ANO9: variants seen among roughly 807,000 people sequenced by gnomAD.
ANO9 encodes the protein anoctamin 9.
ANO9 carries 80 observed loss-of-function variants against 100.5 expected under a neutral mutation model. The ratio of observed to expected loss-of-function variants is 0.80; its 90% CI spans 0.66 to 0.96. ANO9 has a LOEUF of 0.96. Ranked by LOEUF, ANO9 falls within the 40% of genes least tolerant of loss-of-function variation. The pLI, the probability that ANO9 is intolerant of heterozygous loss-of-function variation, is 0.00. For synonymous variants in ANO9, 473 were observed against 435.6 expected (o/e 1.09, Z -1.07); for missense variants, 1,064 against 1,072.7 (o/e 0.99, Z 0.11).
chr11:419,834 G>A, intron 19 of ANO9, 105 bp from the exon 20 acceptor site: 2 of 1,531,540 alleles, frequency 1.3e-6, no homozygotes, highest in Non-Finnish European at 1.7e-6. Context: ...CTCTGTGCGT[G>A]GTGTCCCCTT....
At chr11:419,302 C>A (rs905871799) in intron 20 of ANO9, 1 of 1,408,782 alleles carries the variant, frequency 7.1e-7, no homozygotes, top group Admixed American at 2.9e-5. Context: ...CGGAACCTCA[C>A]ATCGGGAGGG....
chr11:436,692 G>A (rs1849581781), intron 1 of ANO9, among the ~76,000 whole-genome samples: 1 of 117,558 alleles, frequency 8.5e-6, no homozygotes, highest in African/African-American at 3.2e-5. Flanking sequence ...AGCAGGAGGT[G>A]AGCAGGGGGT....
At chr11:437,849 C>T (rs879284103) in intron 1 of ANO9, among the ~76,000 whole-genome samples, 2 of 152,214 alleles carry the variant, frequency 1.3e-5, no homozygotes, top group Non-Finnish European at 2.9e-5. Flanking sequence ...CCCTCCTCTG[C>T]CCAGAACCCC....
chr11:420,644 G>C (rs1248752246), intron 18 of ANO9, 29 bp from the exon 19 acceptor site: 1 of 1,601,968 alleles, frequency 6.2e-7, no homozygotes, highest in Non-Finnish European at 8.5e-7. Flanking sequence ...GCTCACCGGC[G>C]CCCCGCACTC....
chr11:434,208 A>C, intron 1 of ANO9, 110 bp from the exon 2 acceptor site: 1 of 1,262,350 alleles, frequency 7.9e-7, no homozygotes, highest in Non-Finnish European at 1.1e-6. Context: ...GTCCCTCCCC[A>C]CAAGGAGAAC....
At chr11:420,340 G>A (rs1232202683) in intron 19 of ANO9, 123 bp downstream of exon 19, 8 of 1,490,450 alleles carry the variant, frequency 5.4e-6, no homozygotes, top group Non-Finnish European at 6.2e-6. Flanking sequence ...AGAAGGGCTG[G>A]GGGCTGTCTG....
intron 1 of ANO9, among the ~76,000 whole-genome samples, chr11:437,861 G>A (rs924528846): frequency 6.6e-6 from 1 of 152,218 alleles, no homozygotes; most frequent in Admixed American, 6.5e-5. Context: ...CAGAACCCCA[G>A]CTCCTCTGGC....
At chr11:434,549 T>A (rs920893371) in intron 1 of ANO9, among the ~76,000 whole-genome samples, 4 of 152,204 alleles carry the variant, frequency 2.6e-5, no homozygotes, top group African/African-American at 9.7e-5. Flanking sequence ...GGACTGTTTT[T>A]AAAATTGAAC....
chr11:419,092 G>A (rs1848015470), intron 20 of ANO9, 103 bp from the exon 21 acceptor site: 1 of 1,566,216 alleles, frequency 6.4e-7, no homozygotes, highest in South Asian at 1.2e-5. Flanking sequence ...ACAGTGAGGT[G>A]GGGGCCACGC....
rs749173836 is a variant in ANO9, at chr11:431,971, C to T, written c.406+28G>A. The stretch of plus-strand genomic sequence containing the variant: ...CTGGGAGAACCCTGCCCGCAGCGCC[C>T]CTGTCAGTGCCCCACCCCTGCCCTT... On this transcript the variant is annotated intron_variant, in intron 5 of 22. Transcript: ENST00000332826. 9.3e-6 allele frequency: 15 copies of T among 1,612,652 alleles called. No individual in the cohort carries two copies. In the East Asian group the frequency reaches 3.3e-4, roughly 36 times the overall value.
At position 420,556 on chromosome 11, in the gene ANO9, C is replaced by T. The variant is rs1466646438; in HGVS notation, c.1693G>A (p.Ala565Thr). 1 of 1,605,566 alleles carries T rather than the reference C, an allele frequency of 6.2e-7. No homozygotes were observed. Among genetic ancestry groups the T allele is most frequent in the Admixed American group, 1.7e-5 (1 of 59,940 alleles). The change falls in exon 19 of 23, where the codon GCG (alanine) becomes ACG (threonine). Residue 565 changes from alanine to threonine, a missense_variant. Ala to Thr is a moderately conservative substitution (Grantham distance 58). Transcript: ENST00000332826. ...VAAFPLAPLL[A>T]LFSNLVEIRL... The stretch of plus-strand genomic sequence containing the variant: ...ATCTCCACGAGGTTGCTGAAGAGCG[C>T]GAGCAGCGGCGCCAGCGGGAAGGCG...
Position 420,778 on chromosome 11 carries a change from G to A in ANO9, c.1573C>T (p.Arg525Cys), listed in dbSNP as rs550551772. Residue 525 changes from arginine to cysteine, a missense_variant, in exon 18 of 23, where the codon CGC (arginine) becomes TGC (cysteine). Physicochemically the swap from Arg to Cys is radical, Grantham distance 180. Coordinates refer to ENST00000332826, the MANE Select transcript of ANO9 (RefSeq NM_001012302.3). ...TTGACCGGGTTCAGAAGGTAGTTGC[G>A]CCGCCAGTCCCTGAGCTCGGGGTCC... Reference protein sequence around the residue: ...PRDPELRDWRRNYLLNPVNTF... With the variant: ...PRDPELRDWRCNYLLNPVNTF... 9 of 1,601,338 alleles carry A rather than the reference G, an allele frequency of 5.6e-6. No homozygotes were observed. In the South Asian group the frequency reaches 6.7e-5, roughly 12 times the overall value.
chr11:426,618 C>A (rs1211271333), intron 15 of ANO9, among the ~76,000 whole-genome samples: 1 of 152,116 alleles, frequency 6.6e-6, no homozygotes, highest in Non-Finnish European at 1.5e-5. Context: ...CTGACACCCA[C>A]TACCAGGCAT....
chr11:433,356 T>TG lies in ANO9; in HGVS notation c.307dup (p.His103ProfsTer34), dbSNP rs766224216. On this transcript the variant is annotated frameshift_variant, in exon 4 of 23. Transcript: ENST00000332826. LOFTEE classifies it high-confidence loss of function. ...GGTGGTCGGCGCGGCCAGCTCGGCG[T>TG]GGGGGGCAGGCCCCTCAGGCTCCAG... 3 of 1,612,912 alleles carry TG rather than the reference T, an allele frequency of 1.9e-6. No homozygotes were observed. The highest frequency in any genetic ancestry group is 2.5e-6 in the Non-Finnish European group (3 of 1,179,802).
Position 418,999 on chromosome 11 carries a change from G to T in ANO9, c.1935-10C>A. On this transcript the variant is annotated splice_polypyrimidine_tract_variant and intron_variant, in intron 20 of 22. Coordinates refer to ENST00000332826, the MANE Select transcript of ANO9 (RefSeq NM_001012302.3). ...GTAGCCCTTGAGGCAGCTGGGGAGA[G>T]GGGAGAGGAGTGTGGGGTGGGGTGG... 1 of 1,613,070 alleles carries T rather than the reference G, an allele frequency of 6.2e-7. No individual in the cohort carries two copies. Among genetic ancestry groups the T allele is most frequent in the Non-Finnish European group, 8.5e-7 (1 of 1,179,920 alleles).
At chr11:420,424 C>G (rs763498189) in intron 19 of ANO9, 39 bp downstream of exon 19, 7 of 1,592,224 alleles carry the variant, frequency 4.4e-6, no homozygotes, top group Admixed American at 3.4e-5. Flanking sequence ...GGCCTGAGGC[C>G]GCCCAGTTCC....
chr11:434,104 G>A lies in ANO9; in HGVS notation c.7-6C>T. The A allele has an allele frequency of 6.5e-7, 1 of 1,550,104 alleles. No individual in the cohort carries two copies. Among genetic ancestry groups the A allele is most frequent in the East Asian group, 2.4e-5 (1 of 40,930 alleles). On this transcript the variant is annotated splice_polypyrimidine_tract_variant and splice_region_variant and intron_variant, in intron 1 of 22. Transcript: ENST00000332826. Reference sequence around the variant, plus strand: ...ATCCGGAGGCTCTCTTCGCCCTGGGGGTTTGGGGGCAGAGAAAGGGATAGG... The same window carrying A: ...ATCCGGAGGCTCTCTTCGCCCTGGGAGTTTGGGGGCAGAGAAAGGGATAGG...
chr11:433,265 C>A, intron 4 of ANO9, 49 bp downstream of exon 4: 1 of 1,592,298 alleles, frequency 6.3e-7, no homozygotes, highest in Non-Finnish European at 8.5e-7. Flanking sequence ...ACCAATCACA[C>A]AGGTGGCAAG....
rs1216926554 is a variant in ANO9 at position 421,702 on chromosome 11, G to A, written c.1335-504C>T. 2.0e-5 allele frequency among the ~76,000 whole-genome samples: 3 copies of A among 152,234 alleles called. No homozygotes were observed. Among genetic ancestry groups the A allele is most frequent in the Non-Finnish European group, 4.4e-5 (3 of 68,042 alleles). ...CAGGCTCCAACACACGCTCCAGACA[G>A]TGTCTGTTACGAGTGGCCTCGGTTT... On this transcript the variant is annotated intron_variant, in intron 15 of 22. Transcript: ENST00000332826. The surrounding 1 kb of genome is among the most constrained non-coding windows in gnomAD (Gnocchi z 6.8).
Sources: gnomAD v4.1 joint callset for allele counts (sites outside exome capture counted in the v4.1 genomes callset) on GRCh38, gnomAD v4.1.1 for gene constraint, Gnocchi (gnomAD v3.1) non-coding constraint, MANE v1.5 for transcripts, NCBI Gene and HGNC (gene_info 2026-07-23, HGNC 2026-07-21) for gene names.